PIWIL1: variants seen among roughly 807,000 people sequenced by gnomAD.
PIWIL1 encodes the protein piwi like RNA-mediated gene silencing 1.
PIWIL1 carries 73 observed loss-of-function variants against 114.4 expected under a neutral mutation model. The observed-to-expected ratio is 0.64, with a 90% CI of 0.53 to 0.78. The LOEUF (loss-of-function observed/expected upper bound fraction) is 0.78, where lower values mean the gene tolerates loss of function less well. PIWIL1 is among the 30% of genes least tolerant of loss of function. The pLI is 0.00. For synonymous variants in PIWIL1, 375 were observed against 369.0 expected (o/e 1.02, Z -0.19); for missense variants, 723 against 1,063.1 (o/e 0.68, Z 4.45).
At chr12:130,423,800 G>GATTTATTTATAA in the PIWIL1 span, among the ~76,000 whole-genome samples, 1 of 150,260 alleles carries the variant, frequency 6.7e-6, no homozygotes, top group Non-Finnish European at 1.5e-5. Context: ...AATCCCTAAG[G>GATTTATTTATAA]ATCCCTGTGA....
chr12:130,362,685 G>A, intron 16 of PIWIL1, 81 bp from the exon 17 acceptor site: 1 of 1,204,214 alleles, frequency 8.3e-7, no homozygotes, highest in Middle Eastern at 1.9e-4. Flanking sequence ...TGCTAAGAGT[G>A]AAATAAATAT....
the PIWIL1 span, chr12:130,424,088 A>T: frequency 1.1e-6 from 1 of 951,160 alleles, no homozygotes; most frequent in Non-Finnish European, 1.4e-6. The surrounding 1 kb of genome is among the most constrained non-coding windows in gnomAD (Gnocchi z 9.8). Flanking sequence ...CAGTGAAAGG[A>T]TGGGACAGAT....
the PIWIL1 span, among the ~76,000 whole-genome samples, chr12:130,393,078 G>A: frequency 6.7e-6 from 1 of 148,570 alleles, no homozygotes; most frequent in Non-Finnish European, 1.5e-5. Context: ...ATGTTGTGAT[G>A]ACCCAGTCAC....
the PIWIL1 span, chr12:130,424,347 C>T: frequency 8.9e-6 from 11 of 1,232,262 alleles, no homozygotes; most frequent in Admixed American, 2.5e-4. This position sits in a 1 kb window ranked among gnomAD's most constrained non-coding sequence, Gnocchi z 9.8. Flanking sequence ...CACCTGCTCC[C>T]CAAAGTCCTC....
chr12:130,421,215 C>G, the PIWIL1 span, among the ~76,000 whole-genome samples: 1 of 152,236 alleles, frequency 6.6e-6, no homozygotes, highest in African/African-American at 2.4e-5. Flanking sequence ...GAGACACACA[C>G]TAGGTTTAGA....
intron 1 of PIWIL1, chr12:130,342,311 A>AAAT: frequency 2.2e-6 from 1 of 461,778 alleles, no homozygotes; most frequent in African/African-American, 1.9e-5. Flanking sequence ...TGTTTATAAT[A>AAAT]AATAATCCAA....
At chr12:130,352,074 G>A (rs1441772817) in intron 9 of PIWIL1, among the ~76,000 whole-genome samples, 1 of 152,136 alleles carries the variant, frequency 6.6e-6, no homozygotes. Context: ...TCTCAGCTCA[G>A]CTTCTTTCTC....
intron 3 of PIWIL1, among the ~76,000 whole-genome samples, 192 bp downstream of exon 3, chr12:130,343,293 C>G (rs959194170): frequency 2.0e-5 from 3 of 152,148 alleles, no homozygotes; most frequent in Non-Finnish European, 4.4e-5. Context: ...ATGTATCAGT[C>G]TTCATTAATA....
chr12:130,410,817 G>T, the PIWIL1 span, among the ~76,000 whole-genome samples: 2 of 152,124 alleles, frequency 1.3e-5, no homozygotes, highest in Non-Finnish European at 2.9e-5. Context: ...TCTTGTTCTT[G>T]TTAAAAATAG....
In PIWIL1 at chr12:130,349,278, G is replaced by A. The variant is rs749183456; in HGVS notation, c.774G>A (p.Gln258=). Residue 258 remains glutamine (Q), a synonymous_variant, in exon 8 of 21, where the codon CAG becomes CAA. Transcript: ENST00000245255. Reference sequence around the variant, plus strand: ...CTGGCTTCACTACTTCCATCCTTCAGTATGAAAACAGCATCATGCTCTGCA... The same window carrying A: ...CTGGCTTCACTACTTCCATCCTTCAATATGAAAACAGCATCATGCTCTGCA... ...IWPGFTTSIL[Q]YENSIMLCTD... 1.2e-6 allele frequency: 2 copies of A among 1,613,952 alleles called. No homozygotes were observed. The highest frequency in any genetic ancestry group is 1.7e-6 in the Non-Finnish European group (2 of 1,179,830).
rs747645438 is a variant in PIWIL1 at position 130,367,067 on chromosome 12, C to T, written c.2196-66C>T. The T allele has an allele frequency of 3.2e-6, 5 of 1,584,986 alleles. No homozygotes were observed. The Admixed American group carries it at 5.1e-5, about 16-fold the overall frequency. On this transcript the variant is annotated intron_variant, in intron 18 of 20. Transcript: ENST00000245255. ...CTTTTTAAATGGAGCATGTGAACAC[C>T]TGAATGAATGAGTGCCCTGAAAATA...
At chr12:130,417,558 A>G in the PIWIL1 span, among the ~76,000 whole-genome samples, 2 of 152,204 alleles carry the variant, frequency 1.3e-5, no homozygotes, top group African/African-American at 4.8e-5. Flanking sequence ...GGAACAACAG[A>G]AACTGGGGAA....
intron 19 of PIWIL1, among the ~76,000 whole-genome samples, chr12:130,369,633 C>G (rs570635113): frequency 6.6e-6 from 1 of 152,294 alleles, no homozygotes; most frequent in East Asian, 1.9e-4. Context: ...TTGCATTTCT[C>G]TAATGATCAG....
chr12:130,338,993 G>A (rs2072813190), intron 1 of PIWIL1, among the ~76,000 whole-genome samples: 1 of 151,944 alleles, frequency 6.6e-6, no homozygotes, highest in Admixed American at 6.5e-5. Flanking sequence ...GCGGGGACCT[G>A]AGAGCTCTGC....
downstream of PIWIL1, among the ~76,000 whole-genome samples, chr12:130,374,094 A>G (rs1041910737): frequency 6.6e-6 from 1 of 151,838 alleles, no homozygotes; most frequent in Non-Finnish European, 1.5e-5. Context: ...AAGTCTGTCC[A>G]CTCTTTTCTG....
At chr12:130,363,184 C>T (rs900342696) in intron 18 of PIWIL1, 40 bp downstream of exon 18, 1 of 1,581,874 alleles carries the variant, frequency 6.3e-7, no homozygotes, top group Non-Finnish European at 8.7e-7. Context: ...TTTTATAAAA[C>T]TGCACCTTTG....
At chr12:130,380,549 G>C in the PIWIL1 span, among the ~76,000 whole-genome samples, 1 of 152,202 alleles carries the variant, frequency 6.6e-6, no homozygotes, top group Non-Finnish European at 1.5e-5. Flanking sequence ...AATTGAGTAG[G>C]TTGAGTAAGG....
chr12:130,355,011 T>G lies in PIWIL1; in HGVS notation c.1289+6T>G. On this transcript the variant is annotated splice_donor_region_variant and intron_variant, in intron 11 of 20. Transcript: ENST00000245255. ...CTCATTGATTACATTCATAAGTAAG[T>G]CATTGATTTCACTGGGGCAGGGTTT... 1 of 1,529,342 alleles carries G rather than the reference T, an allele frequency of 6.5e-7. No individual in the cohort carries two copies. The highest frequency in any genetic ancestry group is 1.1e-5 in the South Asian group (1 of 89,204). 94.7% of individuals were successfully genotyped at this position (1,529,342 alleles called of 1,614,324 possible). A position where few individuals can be genotyped will look rare whatever the true frequency, so the allele number is the denominator to read the frequency against.
intron 15 of PIWIL1, 26 bp downstream of exon 15, chr12:130,361,406 C>T (rs2073503763): frequency 1.2e-6 from 2 of 1,611,496 alleles, no homozygotes; most frequent in African/African-American, 1.3e-5. Context: ...TTGGTAGATG[C>T]CGTTTTAAAA....
Sources: gnomAD v4.1 joint callset for allele counts (sites outside exome capture counted in the v4.1 genomes callset) on GRCh38, gnomAD v4.1.1 for gene constraint, Gnocchi (gnomAD v3.1) non-coding constraint, MANE v1.5 for transcripts, NCBI Gene and HGNC (gene_info 2026-07-23, HGNC 2026-07-21) for gene names.